The following WDR64 variants were observed in gnomAD, a reference collection of about 807,000 sequenced individuals.
WDR64 encodes the protein WD repeat domain 64.
WDR64 carries 112 observed loss-of-function variants against 139.3 expected under a neutral mutation model. That is an observed-to-expected ratio of 0.80 (90% CI 0.69 to 0.94). The LOEUF (loss-of-function observed/expected upper bound fraction) is 0.94, where lower values mean the gene tolerates loss of function less well. WDR64 is among the 40% of genes least tolerant of loss of function. The pLI, the probability that WDR64 is intolerant of heterozygous loss-of-function variation, is 0.00. For missense variants in WDR64, 1,206 were observed against 1,293.1 expected (o/e 0.93, Z 1.03); for synonymous variants, 444 against 437.7 (o/e 1.01, Z -0.18).
At chr1:241,731,479 T>TCCCG (rs1669078805) in intron 10 of WDR64, among the ~76,000 whole-genome samples, 1 of 152,218 alleles carries the variant, frequency 6.6e-6, no homozygotes, top group South Asian at 2.1e-4. Flanking sequence ...GTGTGATAAC[T>TCCCG]ACAAGTGTGA....
intron 2 of WDR64, among the ~76,000 whole-genome samples, chr1:241,670,490 G>A (rs1213722947): frequency 6.6e-6 from 1 of 152,320 alleles, no homozygotes; most frequent in East Asian, 1.9e-4. Flanking sequence ...TGCCAGCTCC[G>A]AATAGATCTA....
intron 25 of WDR64, among the ~76,000 whole-genome samples, chr1:241,793,115 C>T (rs1236661027): frequency 1.3e-5 from 2 of 152,134 alleles, no homozygotes; most frequent in African/African-American, 4.8e-5. Flanking sequence ...TGAATGAGAA[C>T]AATTTTGCAT....
chr1:241,699,461 A>T (rs68074501), intron 8 of WDR64, among the ~76,000 whole-genome samples: 11,647 of 152,276 alleles, frequency 0.076, 559 homozygotes, highest in East Asian at 0.21. Context: ...TGTCGACCTC[A>T]TATGTAATGA....
rs1187916656 is a variant in WDR64 at position 241,674,876 on chromosome 1, T to TCC, written c.483+129_483+130insCC. On this transcript the variant is annotated intron_variant, in intron 4 of 27. Coordinates refer to ENST00000437684, the MANE Select transcript of WDR64 (RefSeq NM_001367482.1). ...TTTCCTTCCTCCCTCCCTCCTTTCT[T>TCC]TCTTTCCTTCTTGCTTTTATTTCCT... 5.1e-4 allele frequency: 71 copies of TCC among 139,744 alleles called. 21 individuals are homozygous for TCC. Among genetic ancestry groups the TCC allele is most frequent in the African/African-American group, 2.2e-3 (27 of 12,250 alleles). The allele number at this position is 139,744 out of a possible 1,614,324, so 8.7% of individuals were successfully genotyped here. A position where few individuals can be genotyped will look rare whatever the true frequency, so the allele number is the denominator to read the frequency against.
At chr1:241,712,765 G>A (rs760571557) in intron 9 of WDR64, among the ~76,000 whole-genome samples, 5 of 152,044 alleles carry the variant, frequency 3.3e-5, no homozygotes, top group Non-Finnish European at 5.9e-5. Context: ...GATTGCTTGA[G>A]CCTAGGAGTT....
At chr1:241,728,430 C>T (rs1038650530) in intron 10 of WDR64, among the ~76,000 whole-genome samples, 27 of 151,754 alleles carry the variant, frequency 1.8e-4, no homozygotes, top group African/African-American at 6.5e-4. Context: ...AGGGAACAGA[C>T]AACATCCCTT....
chr1:241,790,714 A>G lies in WDR64; in HGVS notation c.2997+18A>G. The G allele has an allele frequency of 6.5e-7, 1 of 1,547,018 alleles. No homozygotes were observed. The highest frequency in any genetic ancestry group is 1.2e-5 in the South Asian group (1 of 83,230). On this transcript the variant is annotated intron_variant, in intron 25 of 27. Coordinates refer to ENST00000437684, the MANE Select transcript of WDR64 (RefSeq NM_001367482.1). ...CTCCTAAGGTAGCTTAAAAAAAAAA[A>G]AAAAAAAGAAATGGCAACAACAACA...
chr1:241,792,574 A>G, intron 25 of WDR64, among the ~76,000 whole-genome samples: 1 of 151,990 alleles, frequency 6.6e-6, no homozygotes, highest in Non-Finnish European at 1.5e-5. Context: ...ATAAAAATTA[A>G]CAAAGGTCAG....
chr1:241,690,327 T>C (rs1269232387), intron 8 of WDR64, among the ~76,000 whole-genome samples: 1 of 151,682 alleles, frequency 6.6e-6, no homozygotes, highest in Non-Finnish European at 1.5e-5. Context: ...AAAAATTAGC[T>C]GGGCATGGTG....
intron 10 of WDR64, among the ~76,000 whole-genome samples, chr1:241,733,164 C>CATTCAGATAA (rs1262442800): frequency 4.6e-5 from 7 of 152,086 alleles, no homozygotes; most frequent in African/African-American, 1.7e-4. Flanking sequence ...CATCTCACTC[C>CATTCAGATAA]ATTCCCAATT....
intron 2 of WDR64, among the ~76,000 whole-genome samples, chr1:241,670,075 T>G (rs1280304112): frequency 6.6e-6 from 1 of 152,210 alleles, no homozygotes; most frequent in Non-Finnish European, 1.5e-5. Flanking sequence ...ATTTCAAAAT[T>G]TAAATACATA....
Position 241,771,709 on chromosome 1 carries a change from A to T in WDR64, c.2290+12A>T. 6.8e-7 allele frequency: 1 copy of T among 1,461,436 alleles called. No homozygotes were observed. The highest frequency in any genetic ancestry group is 9.1e-7 in the Non-Finnish European group (1 of 1,101,528). The allele number at this position is 1,461,436 out of a possible 1,614,324, so 90.5% of individuals were successfully genotyped here. ...CAGTGAGGTTAAAGGTCAGTATGAA[A>T]TCACCTCTCTTCTTTATAATAAAGC... On this transcript the variant is annotated intron_variant, in intron 19 of 27. Transcript: ENST00000437684.
intron 15 of WDR64, among the ~76,000 whole-genome samples, chr1:241,765,385 G>GA (rs1178791984): frequency 6.6e-5 from 10 of 151,832 alleles, no homozygotes; most frequent in Middle Eastern, 3.4e-3. Context: ...AGAAACAGTT[G>GA]AAAAAAAATG....
chr1:241,755,236 T>C (rs952872999), intron 14 of WDR64, among the ~76,000 whole-genome samples: 3 of 152,194 alleles, frequency 2.0e-5, no homozygotes, highest in East Asian at 3.9e-4. Context: ...GCATCTGTTG[T>C]TTCCTGACTT....
intron 11 of WDR64, 58 bp downstream of exon 11, chr1:241,738,547 T>A (rs1333673169): frequency 1.2e-5 from 18 of 1,547,360 alleles, no homozygotes; most frequent in Admixed American, 5.9e-5. Flanking sequence ...AACCTTTTTT[T>A]AAACTAGCAC....
chr1:241,693,894 C>T (rs1187049803), intron 8 of WDR64, among the ~76,000 whole-genome samples: 1 of 152,006 alleles, frequency 6.6e-6, no homozygotes, highest in East Asian at 1.9e-4. Flanking sequence ...TTTCAAAACC[C>T]TAATAAATTT....
chr1:241,735,537 T>TCC (rs1669272917), intron 10 of WDR64, among the ~76,000 whole-genome samples: 2 of 140,428 alleles, frequency 1.4e-5, no homozygotes, highest in African/African-American at 5.4e-5. Context: ...CTCTCTCTTT[T>TCC]TTTTTTTTTT....
intron 9 of WDR64, among the ~76,000 whole-genome samples, chr1:241,719,131 A>G (rs1668510940): frequency 6.6e-6 from 1 of 152,148 alleles, no homozygotes; most frequent in Non-Finnish European, 1.5e-5. Flanking sequence ...AAATGAACAA[A>G]TGACCTTCCA....
rs527848314 is a variant in WDR64, at chr1:241,723,234, A to G, written c.1055-63A>G. Reference sequence around the variant, plus strand: ...AAAGATACGGGTATGATACAGTGAGAGATACATTTGAAACTCTGACCACCT... The same window carrying G: ...AAAGATACGGGTATGATACAGTGAGGGATACATTTGAAACTCTGACCACCT... On this transcript the variant is annotated intron_variant, in intron 9 of 27. Transcript: ENST00000437684. 1.1e-4 allele frequency: 171 copies of G among 1,588,078 alleles called. 1 individual carries two copies. In the East Asian group the frequency reaches 3.8e-3, roughly 35 times the overall value.
Sources: allele counts gnomAD v4.1 joint callset (sites outside exome capture counted in the v4.1 genomes callset), GRCh38; gene constraint gnomAD v4.1.1; transcripts MANE v1.5; gene names NCBI Gene and HGNC (gene_info 2026-07-23, HGNC 2026-07-21).